Variants in RIMS2 observed in about 807,000 individuals in gnomAD.
The protein encoded by RIMS2 is regulating synaptic membrane exocytosis protein 2.
In RIMS2, 59 loss-of-function variants were observed where a neutral mutation model predicts 174.4. The observed-to-expected ratio is 0.34, with a 90% CI of 0.27 to 0.42. The LOEUF (loss-of-function observed/expected upper bound fraction) is 0.42. Among genes scored for constraint, RIMS2 ranks in the 10% least tolerant of loss-of-function variants. The pLI, the probability that RIMS2 is intolerant of heterozygous loss-of-function variation, is 1.00. For synonymous variants in RIMS2, 606 were observed against 572.5 expected, an observed-to-expected ratio of 1.06 and a Z score of -0.84; for missense variants, 1,620 against 1,666.3, an observed-to-expected ratio of 0.97 and a Z score of 0.48.
intron 19 of RIMS2, among the ~76,000 whole-genome samples, chr8:104,169,304 C>A (rs904083353): frequency 9.1e-5 from 8 of 87,526 alleles, no homozygotes; most frequent in African/African-American, 2.0e-4. Context: ...TTGTTGTTGG[C>A]TATATATATA....
rs542528990 is a variant in RIMS2 at position 104,182,275 on chromosome 8, A to G, written c.3335-62641A>G. On this transcript the variant is annotated intron_variant, in intron 19 of 23. Coordinates refer to ENST00000504942, the Ensembl canonical transcript of RIMS2. Reference sequence around the variant, plus strand: ...TTAGGTTATCACAGATATTTTGGCTACAAAAATAATCTGTCACGGAAATAT... The same window carrying G: ...TTAGGTTATCACAGATATTTTGGCTGCAAAAATAATCTGTCACGGAAATAT... 2.5e-3 allele frequency among the ~76,000 whole-genome samples: 379 copies of G among 151,984 alleles called. 1 individual carries two copies. The highest frequency in any genetic ancestry group is 8.9e-3 in the African/African-American group (370 of 41,532).
At chr8:104,062,973 G>T (rs1170986566) in intron 19 of RIMS2, among the ~76,000 whole-genome samples, 1 of 151,778 alleles carries the variant, frequency 6.6e-6, no homozygotes, top group African/African-American at 2.4e-5. Context: ...GCTTCAATTA[G>T]AAGAAAAGCC....
chr8:103,989,097 G>A (rs1019693185), intron 16 of RIMS2, among the ~76,000 whole-genome samples: 5 of 152,138 alleles, frequency 3.3e-5, no homozygotes, highest in Admixed American at 3.3e-4. Context: ...TGAGCTCCTT[G>A]TGCTGCATCT....
At chr8:104,019,423 T>C (rs947613853) in intron 19 of RIMS2, among the ~76,000 whole-genome samples, 2 of 152,196 alleles carry the variant, frequency 1.3e-5, no homozygotes, top group Admixed American at 6.5e-5. Flanking sequence ...TTTGTGCCTT[T>C]TTTTCCTCTG....
intron 5 of RIMS2, 96 bp from the exon 9 acceptor site, chr8:103,911,957 G>A: frequency 2.2e-6 from 2 of 916,536 alleles, no homozygotes; most frequent in Non-Finnish European, 3.2e-6. Context: ...AGTTTAGAGA[G>A]GTCGTACAAT....
chr8:104,138,773 T>G (rs906132223), intron 19 of RIMS2, among the ~76,000 whole-genome samples: 2 of 152,270 alleles, frequency 1.3e-5, no homozygotes, highest in Admixed American at 1.3e-4. Context: ...TAACCTGATG[T>G]GATCCCATTT....
At chr8:103,614,000 C>T (rs749355490) in intron 1 of RIMS2, among the ~76,000 whole-genome samples, 3 of 152,218 alleles carry the variant, frequency 2.0e-5, no homozygotes, top group Non-Finnish European at 4.4e-5. Flanking sequence ...GTTGGGTGTT[C>T]AGGAAGGGAT....
At chr8:103,557,974 G>A (rs1240623930) in intron 1 of RIMS2, among the ~76,000 whole-genome samples, 1 of 152,142 alleles carries the variant, frequency 6.6e-6, no homozygotes, top group Non-Finnish European at 1.5e-5. Context: ...TAAAATTTAA[G>A]ATTGGGTTAT....
chr8:103,925,892 A>T (rs141039840), intron 10 of RIMS2, among the ~76,000 whole-genome samples: 2 of 151,552 alleles, frequency 1.3e-5, no homozygotes, highest in East Asian at 3.8e-4. Flanking sequence ...TAAAATAGTC[A>T]GTTGTATGTT....
intron 19 of RIMS2, among the ~76,000 whole-genome samples, chr8:104,079,321 A>G (rs1226341316): frequency 1.3e-5 from 2 of 152,016 alleles, no homozygotes; most frequent in Admixed American, 1.3e-4. Context: ...GTAATTACCT[A>G]AGAATATAAA....
chr8:103,812,406 A>G (rs1437696792), intron 3 of RIMS2, among the ~76,000 whole-genome samples: 2 of 143,018 alleles, frequency 1.4e-5, no homozygotes, highest in African/African-American at 5.1e-5. Context: ...CTTGAGTGCA[A>G]TGGCACGATC....
Position 103,664,880 on chromosome 8 carries a change from T to C in RIMS2, c.177-32206T>C, listed in dbSNP as rs1320205216. On this transcript the variant is annotated intron_variant, in intron 1 of 23. Transcript: ENST00000504942. The stretch of plus-strand genomic sequence containing the variant: ...AGCAAAGACTTGGAACCAACCCAAA[T>C]GTCCATCACTGATAGACTGGATTAA... 4.6e-5 allele frequency among the ~76,000 whole-genome samples: 7 copies of C among 152,202 alleles called. No individual in the cohort carries two copies. In the East Asian group the frequency reaches 1.3e-3, roughly 29 times the overall value.
intron 2 of RIMS2, among the ~76,000 whole-genome samples, chr8:103,719,870 T>C (rs958009365): frequency 2.1e-4 from 32 of 152,188 alleles, no homozygotes; most frequent in Non-Finnish European, 4.7e-4. Context: ...CCCATTTCAC[T>C]GTCTAGAGGC....
chr8:103,578,392 G>T (rs1301598351), intron 1 of RIMS2, among the ~76,000 whole-genome samples: 2 of 152,048 alleles, frequency 1.3e-5, no homozygotes, highest in East Asian at 1.9e-4. Context: ...TAGCTGAGAG[G>T]AAATGATGTG....
chr8:103,512,252 A>C (rs1055470315), intron 1 of RIMS2, among the ~76,000 whole-genome samples: 1 of 152,182 alleles, frequency 6.6e-6, no homozygotes, highest in African/African-American at 2.4e-5. Context: ...AAAGTTTAAC[A>C]TTTTGCCAAC....
At chr8:103,712,293 T>G (rs1420660571) in intron 2 of RIMS2, among the ~76,000 whole-genome samples, 1 of 151,696 alleles carries the variant, frequency 6.6e-6, no homozygotes, top group African/African-American at 2.4e-5. Context: ...ATTACAGGTG[T>G]GAGCCACCAT....
intron 13 of RIMS2, among the ~76,000 whole-genome samples, chr8:103,940,127 C>G (rs2082192273): frequency 6.6e-6 from 1 of 151,994 alleles, no homozygotes; most frequent in African/African-American, 2.4e-5. Flanking sequence ...GTACTAGTAC[C>G]AATTTATTGT....
intron 2 of RIMS2, among the ~76,000 whole-genome samples, chr8:103,741,832 A>G (rs2139367015): frequency 6.6e-6 from 1 of 152,176 alleles, no homozygotes; most frequent in East Asian, 1.9e-4. Context: ...CTAATTTCCA[A>G]AGCTGGTCCT....
chr8:103,913,148 T>TG (rs1210024048), intron 6 of RIMS2, among the ~76,000 whole-genome samples: 1 of 114,042 alleles, frequency 8.8e-6, no homozygotes, highest in African/African-American at 4.8e-5. Flanking sequence ...ATTTTTTTTT[T>TG]TTTGTATTTT....
Sources: gnomAD v4.1 joint callset for allele counts (sites outside exome capture counted in the v4.1 genomes callset) on GRCh38, gnomAD v4.1.1 for gene constraint, MANE v1.5 for transcripts, NCBI Gene and HGNC (gene_info 2026-07-23, HGNC 2026-07-21) for gene names.